The following SLC39A11 variants were observed in gnomAD, a reference collection of about 807,000 sequenced individuals.
The protein encoded by SLC39A11 is solute carrier family 39 member 11, also known as zinc transporter ZIP11.
A neutral mutation model predicts 36.1 loss-of-function variants in SLC39A11; 33 were observed. The ratio of observed to expected loss-of-function variants is 0.91; its 90% CI spans 0.69 to 1.22. The LOEUF is 1.22. SLC39A11 is among the 50% of genes most tolerant of loss of function. The pLI is 0.00. For synonymous variants in SLC39A11, 166 were observed against 170.3 expected (o/e 0.97, Z 0.20); for missense variants, 432 against 430.3 (o/e 1.00, Z -0.03).
intron 4 of SLC39A11, among the ~76,000 whole-genome samples, chr17:73,023,457 C>T (rs1347996938): frequency 6.6e-6 from 1 of 151,972 alleles, no homozygotes. Flanking sequence ...AAAAGGTGTC[C>T]AATCAAAATG....
At chr17:72,812,069 TAAA>T (rs1348056559) in intron 6 of SLC39A11, among the ~76,000 whole-genome samples, 3 of 152,218 alleles carry the variant, frequency 2.0e-5, no homozygotes, top group Admixed American at 1.3e-4. Context: ...AATCACTAAA[TAAA>T]CTGTCTTTTT....
chr17:72,759,888 G>C (rs946345221), intron 6 of SLC39A11, among the ~76,000 whole-genome samples: 3 of 152,180 alleles, frequency 2.0e-5, no homozygotes, highest in Non-Finnish European at 4.4e-5. Context: ...AGGAAGCGCT[G>C]TCTTGTAATT....
intron 4 of SLC39A11, among the ~76,000 whole-genome samples, chr17:72,983,988 G>T (rs4969001): frequency 0.95 from 144,178 of 152,088 alleles, 68,441 homozygotes; most frequent in Middle Eastern, 0.98. Context: ...CTGTTCAGGG[G>T]GGTGGCAAGC....
At chr17:73,065,669 G>A (rs2059977561) in intron 3 of SLC39A11, among the ~76,000 whole-genome samples, 1 of 152,162 alleles carries the variant, frequency 6.6e-6, no homozygotes, top group Non-Finnish European at 1.5e-5. Context: ...CTTGGACTGA[G>A]AGTTTAGCTC....
chr17:72,976,171 A>G (rs1241621219), intron 4 of SLC39A11, among the ~76,000 whole-genome samples: 5 of 13,658 alleles, frequency 3.7e-4, no homozygotes, highest in Non-Finnish European at 2.4e-3. Context: ...CTCCATCTCA[A>G]AAAAAAAAAA....
At chr17:72,661,668 G>A (rs1042691341) in intron 7 of SLC39A11, among the ~76,000 whole-genome samples, 3 of 152,194 alleles carry the variant, frequency 2.0e-5, no homozygotes, top group African/African-American at 7.2e-5. Context: ...GGAAGGGGCT[G>A]GGTACTCCCC....
chr17:72,822,291 TATATA>T (rs1251690771), intron 6 of SLC39A11, among the ~76,000 whole-genome samples: 2 of 147,188 alleles, frequency 1.4e-5, no homozygotes, highest in African/African-American at 4.9e-5. Flanking sequence ...AGAGATTATA[TATATA>T]ATATATATAG....
In SLC39A11 at chr17:72,922,744, G is replaced by C. The variant is rs139212863; in HGVS notation, c.430+25008C>G. Among the ~76,000 whole-genome samples the C allele has an allele frequency of 4.3e-4, 66 of 152,190 alleles. 1 individual carries two copies. In the East Asian group the frequency reaches 0.012, roughly 28 times the overall value. On this transcript the variant is annotated intron_variant, in intron 5 of 9. Transcript: ENST00000255559. Reference sequence around the variant, plus strand: ...GCACTTTGGGAGGCTGAGGTGGCCAGATCACTTAAGGTCAAGAGTTTGAGA... The same window carrying C: ...GCACTTTGGGAGGCTGAGGTGGCCACATCACTTAAGGTCAAGAGTTTGAGA...
intron 4 of SLC39A11, among the ~76,000 whole-genome samples, chr17:73,001,538 A>G (rs1020767346): frequency 2.2e-4 from 33 of 151,756 alleles, no homozygotes; most frequent in Admixed American, 1.9e-3. Flanking sequence ...CATTGTGCAC[A>G]TGTACCCTAA....
At chr17:72,950,550 T>A (rs1271668467) in intron 4 of SLC39A11, among the ~76,000 whole-genome samples, 3 of 152,198 alleles carry the variant, frequency 2.0e-5, no homozygotes, top group African/African-American at 7.2e-5. Context: ...CCTGCTGACA[T>A]CCGAGGAATC....
chr17:73,025,404 T>C (rs2058501607), intron 4 of SLC39A11, among the ~76,000 whole-genome samples: 1 of 152,234 alleles, frequency 6.6e-6, no homozygotes, highest in African/African-American at 2.4e-5. Flanking sequence ...ACACAGACAG[T>C]ATGTTGCCAT....
chr17:72,818,367 T>C lies in SLC39A11; in HGVS notation c.601+31267A>G, dbSNP rs373760299. 7.9e-5 allele frequency among the ~76,000 whole-genome samples: 12 copies of C among 152,002 alleles called. No individual in the cohort carries two copies. The East Asian group carries it at 1.9e-3, about 24-fold the overall frequency. ...GTAGCTCCTTGGACACCTGGAGAGG[T>C]ATCTGGAGGGTGCATTCCTCCAGGT... On this transcript the variant is annotated intron_variant, in intron 6 of 9. Transcript: ENST00000255559.
At chr17:73,051,893 G>C in intron 3 of SLC39A11, among the ~76,000 whole-genome samples, 1 of 149,672 alleles carries the variant, frequency 6.7e-6, no homozygotes, top group Non-Finnish European at 1.5e-5. Flanking sequence ...GGTGCCAGAG[G>C]GAATGTCGAA....
At chr17:72,675,377 C>T (rs2071210738) in intron 7 of SLC39A11, among the ~76,000 whole-genome samples, 1 of 152,204 alleles carries the variant, frequency 6.6e-6, no homozygotes, top group African/African-American at 2.4e-5. Context: ...TCTGCTGGGA[C>T]CTTGTTCTTG....
At chr17:72,948,140 T>C (rs1682652420) in intron 4 of SLC39A11, among the ~76,000 whole-genome samples, 1 of 151,756 alleles carries the variant, frequency 6.6e-6, no homozygotes, top group Non-Finnish European at 1.5e-5. Context: ...ATGGGGAAAA[T>C]ATATACCAGG....
chr17:73,031,551 C>G lies in SLC39A11; in HGVS notation c.306+5G>C, dbSNP rs1411608007. The G allele has an allele frequency of 1.9e-6, 3 of 1,613,992 alleles. No homozygotes were observed. The highest frequency in any genetic ancestry group is 2.5e-6 in the Non-Finnish European group (3 of 1,180,006). On this transcript the variant is annotated splice_donor_5th_base_variant and intron_variant, in intron 4 of 9. Coordinates refer to ENST00000255559, the MANE Select transcript of SLC39A11 (RefSeq NM_139177.4). ...TACGACAGCTAAAAGTAGAGTGGTA[C>G]TCACCAAGTGAGGCATCAGGAGGTC...
intron 7 of SLC39A11, among the ~76,000 whole-genome samples, chr17:72,656,525 C>T (rs535899997): frequency 2.6e-5 from 4 of 151,504 alleles, no homozygotes; most frequent in Non-Finnish European, 4.4e-5. Flanking sequence ...GGGAAGGAGA[C>T]GGGGGAGGCG....
At chr17:72,894,360 CAAAAAAAAAAAAAAA>C (rs57105586) in intron 5 of SLC39A11, among the ~76,000 whole-genome samples, 1 of 29,690 alleles carries the variant, frequency 3.4e-5, no homozygotes, top group African/African-American at 1.4e-4. Flanking sequence ...GACTCTGTCT[CAAAAAAAAAAAAAAA>C]AAAAAAAAAA....
chr17:72,694,391 C>T (rs1388776716), intron 7 of SLC39A11, among the ~76,000 whole-genome samples: 3 of 152,212 alleles, frequency 2.0e-5, no homozygotes, highest in African/African-American at 7.2e-5. Flanking sequence ...AGCCCTGGTA[C>T]CCATCGTGGC....
Sources: gnomAD v4.1 joint callset for allele counts (sites outside exome capture counted in the v4.1 genomes callset) on GRCh38, gnomAD v4.1.1 for gene constraint, MANE v1.5 for transcripts, NCBI Gene and HGNC (gene_info 2026-07-23, HGNC 2026-07-21) for gene names.